AKT3: variants seen among roughly 807,000 people sequenced by gnomAD.
The protein encoded by AKT3 is RAC-gamma serine/threonine-protein kinase.
Under a neutral mutation model 65.3 loss-of-function variants are expected in AKT3, and 15 were observed. That is an observed-to-expected ratio of 0.23 (90% CI 0.15 to 0.35). AKT3 has a LOEUF of 0.35. Ranked by LOEUF, AKT3 falls within the 10% of genes least tolerant of loss-of-function variation. The pLI, the probability that AKT3 is intolerant of heterozygous loss-of-function variation, is 1.00. For missense variants in AKT3, 243 were observed against 576.5 expected (o/e 0.42, Z 5.92); for synonymous variants, 206 against 183.8 (o/e 1.12, Z -0.98).
chr1:243,534,997 CAG>C (rs1272244241), intron 12 of AKT3, among the ~76,000 whole-genome samples: 1 of 151,430 alleles, frequency 6.6e-6, no homozygotes, highest in Non-Finnish European at 1.5e-5. Flanking sequence ...ATCAATGAAA[CAG>C]AGAACAGAAA....
chr1:243,517,909 T>C (rs1242645181), intron 12 of AKT3, among the ~76,000 whole-genome samples: 2 of 152,256 alleles, frequency 1.3e-5, no homozygotes, highest in Non-Finnish European at 2.9e-5. Context: ...AAAACAGTCC[T>C]TGCCACATAG....
intron 13 of AKT3, among the ~76,000 whole-genome samples, chr1:243,511,142 T>C (rs1170346020): frequency 2.6e-5 from 4 of 152,354 alleles, no homozygotes; most frequent in South Asian, 2.1e-4. Context: ...CTTCAATGGA[T>C]TGGTATTTCA....
At chr1:243,639,918 AT>A (rs1316724690) in intron 5 of AKT3, among the ~76,000 whole-genome samples, 25 of 152,140 alleles carry the variant, frequency 1.6e-4, no homozygotes, top group Non-Finnish European at 3.5e-4. Context: ...CTGAACCCCA[AT>A]TTTTTGACAA....
intron 10 of AKT3, 100 bp downstream of exon 10, chr1:243,563,620 A>C: frequency 7.2e-7 from 1 of 1,392,626 alleles, no homozygotes; most frequent in Non-Finnish European, 9.5e-7. Context: ...AAATATAGAT[A>C]AAAGTAGTAG....
intron 6 of AKT3, among the ~76,000 whole-genome samples, chr1:243,616,197 CA>C (rs1356851943): frequency 6.6e-6 from 1 of 151,222 alleles, no homozygotes; most frequent in Non-Finnish European, 1.5e-5. Flanking sequence ...TTTTATGCCT[CA>C]CCCTGCTTCC....
chr1:243,531,677 A>C (rs1671540841), intron 12 of AKT3, among the ~76,000 whole-genome samples: 1 of 152,180 alleles, frequency 6.6e-6, no homozygotes, highest in Non-Finnish European at 1.5e-5. Flanking sequence ...AAGATTAAGA[A>C]AAAACTGCAC....
At chr1:243,680,289 C>T (rs1683823339) in intron 3 of AKT3, among the ~76,000 whole-genome samples, 1 of 152,048 alleles carries the variant, frequency 6.6e-6, no homozygotes, top group Admixed American at 6.6e-5. Flanking sequence ...ACAGAGGAAG[C>T]AGAGCACAAA....
intron 2 of AKT3, chr1:243,808,200 G>A (rs918557640): frequency 6.6e-6 from 1 of 152,224 alleles, no homozygotes; most frequent in Non-Finnish European, 1.5e-5. Flanking sequence ...GACGAGTTGA[G>A]AGCAGAAGGC....
At chr1:243,559,073 TA>T (rs1314745679) in intron 10 of AKT3, among the ~76,000 whole-genome samples, 2 of 152,122 alleles carry the variant, frequency 1.3e-5, no homozygotes, top group African/African-American at 2.4e-5. Flanking sequence ...AGTAAGAGTT[TA>T]TATGTGATTT....
intron 2 of AKT3, among the ~76,000 whole-genome samples, chr1:243,772,868 T>C (rs1377458156): frequency 6.6e-6 from 1 of 151,890 alleles, no homozygotes; most frequent in East Asian, 1.9e-4. Flanking sequence ...TAAAAAAGGA[T>C]GAGTTCATGT....
intron 3 of AKT3, among the ~76,000 whole-genome samples, chr1:243,674,884 T>C (rs545787730): frequency 3.3e-4 from 51 of 152,322 alleles, no homozygotes; most frequent in Middle Eastern, 6.8e-3. Flanking sequence ...ATGGGTGTAT[T>C]GTATAAAGCT....
chr1:243,606,880 G>A (rs1426581287), intron 8 of AKT3, among the ~76,000 whole-genome samples: 2 of 152,266 alleles, frequency 1.3e-5, no homozygotes, highest in African/African-American at 4.8e-5. Context: ...CATCCCAACT[G>A]CTTCAGTCCC....
chr1:243,785,973 A>G (rs1402308399), intron 2 of AKT3, among the ~76,000 whole-genome samples: 1 of 152,234 alleles, frequency 6.6e-6, no homozygotes, highest in African/African-American at 2.4e-5. Context: ...AGCTTCAGAA[A>G]GATACTCTGC....
At chr1:243,533,538 G>A (rs1374894159) in intron 12 of AKT3, among the ~76,000 whole-genome samples, 1 of 152,086 alleles carries the variant, frequency 6.6e-6, no homozygotes, top group East Asian at 1.9e-4. Context: ...CAAACTCAAG[G>A]GCTGGCAGTT....
chr1:243,626,153 C>A (rs747023090), intron 6 of AKT3, among the ~76,000 whole-genome samples: 72 of 152,180 alleles, frequency 4.7e-4, no homozygotes, highest in Non-Finnish European at 9.4e-4. Flanking sequence ...GCTGCAAAAT[C>A]TATCAATGGT....
intron 6 of AKT3, among the ~76,000 whole-genome samples, chr1:243,633,945 G>C (rs937920787): frequency 6.6e-6 from 1 of 152,006 alleles, no homozygotes; most frequent in Non-Finnish European, 1.5e-5. Flanking sequence ...TGAAAATATA[G>C]CAGTTCCCCT....
intron 2 of AKT3, among the ~76,000 whole-genome samples, chr1:243,769,349 T>C (rs1329331337): frequency 6.6e-6 from 1 of 152,066 alleles, no homozygotes; most frequent in East Asian, 1.9e-4. Context: ...TGCTGAGACC[T>C]ACAACTCTAT....
intron 2 of AKT3, among the ~76,000 whole-genome samples, chr1:243,728,597 C>T (rs568945548): frequency 1.3e-5 from 2 of 152,294 alleles, no homozygotes; most frequent in East Asian, 3.9e-4. Flanking sequence ...TAGGACAGGA[C>T]AGGCAATCCC....
At chr1:243,598,914 T>G (rs1056275439) in intron 8 of AKT3, among the ~76,000 whole-genome samples, 11 of 152,336 alleles carry the variant, frequency 7.2e-5, no homozygotes, top group Non-Finnish European at 7.4e-5. Flanking sequence ...TACTTTTGAT[T>G]GAATGAGCTA....
Sources: gnomAD v4.1 joint callset for allele counts (sites outside exome capture counted in the v4.1 genomes callset) on GRCh38, gnomAD v4.1.1 for gene constraint, MANE v1.5 for transcripts, NCBI Gene and HGNC (gene_info 2026-07-23, HGNC 2026-07-21) for gene names.